TIAM1: variants seen among roughly 807,000 people sequenced by gnomAD.
TIAM1 encodes rho guanine nucleotide exchange factor TIAM1.
In TIAM1, 65 loss-of-function variants were observed where a neutral mutation model predicts 163.5. That is an observed-to-expected ratio of 0.40 (90% CI 0.33 to 0.49). TIAM1 has a LOEUF of 0.49. Among genes scored for constraint, TIAM1 ranks in the 20% least tolerant of loss-of-function variants. TIAM1 has a pLI of 0.77. For missense variants in TIAM1, 1,789 were observed against 2,044.7 expected, an observed-to-expected ratio of 0.87 and a Z score of 2.41; for synonymous variants, 833 against 810.1, an observed-to-expected ratio of 1.03 and a Z score of -0.48.
At chr21:31,386,599 C>T (rs1014270481) in intron 2 of TIAM1, among the ~76,000 whole-genome samples, 8 of 152,148 alleles carry the variant, frequency 5.3e-5, no homozygotes, top group African/African-American at 1.7e-4. Context: ...GAGGGGACTA[C>T]TTGGGAACTC....
At chr21:31,438,179 C>CTTTTTTTTTTTTTTTTTTTTTTT (rs34844399) in intron 2 of TIAM1, among the ~76,000 whole-genome samples, 4 of 62,686 alleles carry the variant, frequency 6.4e-5, no homozygotes, top group African/African-American at 2.1e-4. Flanking sequence ...TATTTGTGAT[C>CTTTTTTTTTTTTTTTTTTTTTTT]TTTTTTTTTT....
chr21:31,242,629 G>A (rs1039079439), intron 6 of TIAM1, among the ~76,000 whole-genome samples: 24 of 152,078 alleles, frequency 1.6e-4, no homozygotes, highest in African/African-American at 5.8e-4. Flanking sequence ...TACATTTAAG[G>A]AAATCTCTTT....
intron 1 of TIAM1, among the ~76,000 whole-genome samples, chr21:31,557,177 G>C (rs537084861): frequency 2.6e-5 from 4 of 152,308 alleles, no homozygotes; most frequent in African/African-American, 9.6e-5. Context: ...TTTTAAAAGG[G>C]CTGCAAGCGA....
intron 8 of TIAM1, among the ~76,000 whole-genome samples, chr21:31,222,692 TATATATATATA>T (rs1302153559): frequency 1.1e-4 from 4 of 35,886 alleles, no homozygotes; most frequent in African/African-American, 3.1e-4. Flanking sequence ...TATATATATA[TATATATATATA>T]TATATTTTTT....
At chr21:31,480,976 G>A (rs1488250755) in intron 1 of TIAM1, among the ~76,000 whole-genome samples, 8 of 152,208 alleles carry the variant, frequency 5.3e-5, no homozygotes, top group Admixed American at 3.3e-4. Context: ...GGCTGGTTTC[G>A]AACTCCTGAC....
At position 31,495,882 on chromosome 21, in the gene TIAM1, G is replaced by A. The variant is rs533294018; in HGVS notation, c.-421-31847C>T. Among the ~76,000 whole-genome samples the A allele has an allele frequency of 3.3e-3, 495 of 152,186 alleles. 3 individuals carry two copies. The highest frequency in any genetic ancestry group is 0.011 in the African/African-American group (476 of 41,528). On this transcript the variant is annotated intron_variant, in intron 1 of 28. Transcript: ENST00000286827. ...AGCTACTCAGGAGGCTGAGGTAGGA[G>A]AATCACTTGAACCCAGGGGTTGGAG...
chr21:31,434,430 A>G (rs963792267), intron 2 of TIAM1, among the ~76,000 whole-genome samples: 3 of 152,180 alleles, frequency 2.0e-5, no homozygotes, highest in African/African-American at 7.2e-5. Flanking sequence ...GAGAAGTTGA[A>G]GCTGAAATAG....
intron 2 of TIAM1, among the ~76,000 whole-genome samples, chr21:31,371,069 C>T (rs1426676140): frequency 6.6e-6 from 1 of 152,194 alleles, no homozygotes; most frequent in Non-Finnish European, 1.5e-5. Flanking sequence ...AGCCCAGACT[C>T]CTAGAGCTTT....
chr21:31,324,007 C>CA (rs1170060140), intron 2 of TIAM1, among the ~76,000 whole-genome samples: 4,926 of 89,378 alleles, frequency 0.055, 236 homozygotes, highest in African/African-American at 0.16. Context: ...GACCCTGTCT[C>CA]AAAAAAAAAA....
chr21:31,172,464 C>G (rs1477293913), intron 15 of TIAM1, among the ~76,000 whole-genome samples: 1 of 152,074 alleles, frequency 6.6e-6, no homozygotes, highest in Non-Finnish European at 1.5e-5. Flanking sequence ...ACCTACTTAC[C>G]AGGAAACAAA....
At chr21:31,535,026 G>C (rs1235202863) in intron 1 of TIAM1, among the ~76,000 whole-genome samples, 1 of 151,952 alleles carries the variant, frequency 6.6e-6, no homozygotes, top group Non-Finnish European at 1.5e-5. Context: ...GGAGGTCAAA[G>C]CTGCAGTGAG....
At chr21:31,436,752 G>A (rs948318789) in intron 2 of TIAM1, among the ~76,000 whole-genome samples, 3 of 152,158 alleles carry the variant, frequency 2.0e-5, no homozygotes, top group Non-Finnish European at 2.9e-5. Context: ...GAGGTTAGGA[G>A]TTTGAGACCA....
At chr21:31,542,826 A>G (rs1375997280) in intron 1 of TIAM1, among the ~76,000 whole-genome samples, 2 of 151,946 alleles carry the variant, frequency 1.3e-5, no homozygotes, top group African/African-American at 4.8e-5. Context: ...AAAATTAGCC[A>G]GGATGGTGGT....
rs774297155 is a variant in TIAM1 at position 31,195,291 on chromosome 21, A to C, written c.2508T>G (p.Ile836Met). Residue 836 changes from isoleucine to methionine, a missense_variant, in exon 13 of 28, where the codon ATT (isoleucine) becomes ATG (methionine). Ile to Met is a conservative substitution (Grantham distance 10, BLOSUM62 1). Transcript: ENST00000541036. ...EDIYELLYKE[I>M]EICPKVTQSI... is the part of the protein sequence containing the mutation. ...TCTGAGTGACTTTTGGACAGATTTC[A>C]ATTTCTTTGTACAGCTGAAAGTTAC... 8 of 1,612,680 alleles carry C rather than the reference A, an allele frequency of 5.0e-6. No individual in the cohort carries two copies.
chr21:31,360,484 T>C (rs967333143), intron 2 of TIAM1, among the ~76,000 whole-genome samples: 8 of 152,118 alleles, frequency 5.3e-5, no homozygotes, highest in African/African-American at 1.7e-4. Flanking sequence ...AAGGTAGCTA[T>C]GGGTAATCCT....
chr21:31,148,574 GA>G (rs1163728214), intron 19 of TIAM1, among the ~76,000 whole-genome samples: 5 of 152,162 alleles, frequency 3.3e-5, no homozygotes, highest in Non-Finnish European at 2.9e-5. Context: ...AAAAGTTGTG[GA>G]AGAAAATGTG....
At chr21:31,459,844 T>C (rs978699161) in intron 2 of TIAM1, among the ~76,000 whole-genome samples, 13 of 152,176 alleles carry the variant, frequency 8.5e-5, no homozygotes, top group African/African-American at 2.7e-4. Flanking sequence ...TGTTCTTGAG[T>C]GTTCTGGTCT....
chr21:31,200,802 C>A (rs533870386), intron 12 of TIAM1, among the ~76,000 whole-genome samples: 1 of 152,102 alleles, frequency 6.6e-6, no homozygotes, highest in Non-Finnish European at 1.5e-5. Flanking sequence ...CCAAAAGTAT[C>A]CAAAGGACAA....
chr21:31,171,408 G>A (rs1369616328), intron 15 of TIAM1, among the ~76,000 whole-genome samples: 1 of 152,022 alleles, frequency 6.6e-6, no homozygotes, highest in Non-Finnish European at 1.5e-5. Context: ...TTGTAAAAAG[G>A]CACCATAAAT....
Sources: gnomAD v4.1 joint callset for allele counts (sites outside exome capture counted in the v4.1 genomes callset) on GRCh38, gnomAD v4.1.1 for gene constraint, MANE v1.5 for transcripts, NCBI Gene and HGNC (gene_info 2026-07-23, HGNC 2026-07-21) for gene names.